The following PCLAF variants were observed in gnomAD, a reference collection of about 807,000 sequenced individuals.
PCLAF encodes PCNA-associated factor.
PCLAF carries 12 observed loss-of-function variants against 15.1 expected under a neutral mutation model. The ratio of observed to expected loss-of-function variants is 0.79; its 90% CI spans 0.51 to 1.29. The LOEUF (loss-of-function observed/expected upper bound fraction) is 1.29, where lower values mean the gene tolerates loss of function less well. PCLAF is among the 50% of genes most tolerant of loss of function. The pLI is 0.00. For synonymous variants in PCLAF, 33 were observed against 47.1 expected, an observed-to-expected ratio of 0.70 and a Z score of 1.22; for missense variants, 116 against 130.9, an observed-to-expected ratio of 0.89 and a Z score of 0.56.
At position 64,365,977 on chromosome 15, in the gene PCLAF, C is replaced by G. The variant is rs1555406836; in HGVS notation, c.*53G>C. 1 of 1,393,702 alleles carries G rather than the reference C, an allele frequency of 7.2e-7. No homozygotes were observed. Among genetic ancestry groups the G allele is most frequent in the South Asian group, 1.2e-5 (1 of 83,764 alleles). 86.3% of individuals were successfully genotyped at this position (1,393,702 alleles called of 1,614,324 possible). ...AAACACATTTATGTAAATTTACATT[C>G]TAGAATACCAGGGTAAACAAGGAGA... On this transcript the variant is annotated 3_prime_UTR_variant, in exon 4 of 4. Transcript: ENST00000300035.
intron 3 of PCLAF, among the ~76,000 whole-genome samples, chr15:64,376,051 C>T (rs899641060): frequency 6.6e-6 from 1 of 152,086 alleles, no homozygotes; most frequent in African/African-American, 2.4e-5. Context: ...AAGGCAAAAC[C>T]CTGTCTCTAC....
Position 64,364,722 on chromosome 15 carries a change from T to C in PCLAF, c.*1308A>G, listed in dbSNP as rs1898963243. 6.6e-6 allele frequency: 1 copy of C among 150,950 alleles called. No homozygotes were observed. Among genetic ancestry groups the C allele is most frequent in the Non-Finnish European group, 1.5e-5 (1 of 67,818 alleles). 9.4% of individuals were successfully genotyped at this position (150,950 alleles called of 1,614,324 possible). A position where few individuals can be genotyped will look rare whatever the true frequency, so the allele number is the denominator to read the frequency against. On this transcript the variant is annotated 3_prime_UTR_variant, in exon 4 of 4. Transcript: ENST00000300035. ...TTTTTTTTAAGACATTGTCTCACTC[T>C]GTTGTTCAGGCTGGAGTGCAGTGGC...
intron 2 of PCLAF, among the ~76,000 whole-genome samples, chr15:64,380,071 A>C (rs1379639004): frequency 1.3e-5 from 2 of 152,200 alleles, no homozygotes; most frequent in Non-Finnish European, 2.9e-5. Context: ...CAATATTTAA[A>C]TAGCCTCTGT....
rs1366973027 is a variant in PCLAF at position 64,376,840 on chromosome 15, T to C, written c.193A>G (p.Ile65Val). The change falls in exon 3 of 4, where the codon ATT (isoleucine) becomes GTT (valine). Residue 65 changes from isoleucine (I) to valine (V), a missense_variant. Transcript: ENST00000300035. ...VRPTPKWQKG[I>V]GEFFRLSPKD... ...GGGGACAACCTAAAGAATTCTCCAATTCCTTTTTGCCACTTGGGAGTTGGG... is the reference window on the plus strand; with the variant it reads ...GGGGACAACCTAAAGAATTCTCCAACTCCTTTTTGCCACTTGGGAGTTGGG... 6.2e-7 allele frequency: 1 copy of C among 1,613,980 alleles called. No homozygotes were observed. Among genetic ancestry groups the C allele is most frequent in the Non-Finnish European group, 8.5e-7 (1 of 1,179,866 alleles).
intron 3 of PCLAF, 59 bp downstream of exon 3, chr15:64,376,684 G>A (rs926206176): frequency 1.1e-5 from 16 of 1,422,318 alleles, no homozygotes; most frequent in East Asian, 2.4e-5. Flanking sequence ...CTCCCAAAGT[G>A]CTGGGATTAC....
At chr15:64,384,254 C>T (rs935439701), upstream of PCLAF, among the ~76,000 whole-genome samples, 7 of 152,208 alleles carry the variant, frequency 4.6e-5, no homozygotes, top group South Asian at 2.1e-4. Flanking sequence ...ATGCCTCAGC[C>T]GCCCATGTAG....
At chr15:64,386,943 C>A (rs777087090) in intron 1 of PCLAF, among the ~76,000 whole-genome samples, 1 of 151,792 alleles carries the variant, frequency 6.6e-6, no homozygotes, top group South Asian at 2.1e-4. Flanking sequence ...TTTTCCCCAG[C>A]CCATTGTCTT....
At chr15:64,384,377 G>A (rs1209042594), upstream of PCLAF, among the ~76,000 whole-genome samples, 5 of 151,822 alleles carry the variant, frequency 3.3e-5, no homozygotes, top group African/African-American at 7.3e-5. Context: ...CAGGTGATCT[G>A]CCTGCCTCGG....
chr15:64,372,709 C>G (rs764173813), intron 3 of PCLAF, among the ~76,000 whole-genome samples: 1 of 151,780 alleles, frequency 6.6e-6, no homozygotes. Flanking sequence ...CGCAGTGGCT[C>G]ATGCCTGTAA....
At chr15:64,381,858 C>G (rs1424488355), upstream of PCLAF, among the ~76,000 whole-genome samples, 2 of 152,166 alleles carry the variant, frequency 1.3e-5, no homozygotes, top group Non-Finnish European at 2.9e-5. Flanking sequence ...ATTAAAAGAA[C>G]TTGAGAACTT....
chr15:64,383,868 T>G (rs970196810), upstream of PCLAF, among the ~76,000 whole-genome samples: 5 of 152,120 alleles, frequency 3.3e-5, no homozygotes, highest in Admixed American at 3.3e-4. Flanking sequence ...CATATTACTA[T>G]AGTTGTGTGT....
chr15:64,385,188 C>A (rs1899910089), upstream of PCLAF, among the ~76,000 whole-genome samples: 1 of 152,088 alleles, frequency 6.6e-6, no homozygotes, highest in Admixed American at 6.6e-5. Context: ...CGGTACCCAG[C>A]CACCTATGTT....
chr15:64,380,307 C>G (rs148960134), intron 2 of PCLAF, among the ~76,000 whole-genome samples: 1 of 151,876 alleles, frequency 6.6e-6, no homozygotes, highest in African/African-American at 2.4e-5. Context: ...CGTGTGAACC[C>G]GAGAGGCGGA....
exon 1 of PCLAF, chr15:64,387,676 G>C: frequency 7.1e-7 from 1 of 1,410,774 alleles, no homozygotes; most frequent in South Asian, 1.5e-5. Context: ...AGGGCACAAG[G>C]AAGTAGACAA....
chr15:64,387,338 T>G (rs375411257), intron 1 of PCLAF: 2 of 538,878 alleles, frequency 3.7e-6, no homozygotes. Context: ...GCCGAGATCA[T>G]GCCACTGCAC....
intron 3 of PCLAF, among the ~76,000 whole-genome samples, chr15:64,371,453 A>T (rs901654417): frequency 6.6e-6 from 1 of 152,014 alleles, no homozygotes; most frequent in Admixed American, 6.6e-5. Flanking sequence ...TTTAGTACAG[A>T]TGGGGTTTCA....
chr15:64,366,405 T>G (rs1046320970), intron 3 of PCLAF, among the ~76,000 whole-genome samples: 1 of 152,218 alleles, frequency 6.6e-6, no homozygotes, highest in Non-Finnish European at 1.5e-5. Context: ...ATAAACAATA[T>G]AATCCTTCAG....
intron 3 of PCLAF, among the ~76,000 whole-genome samples, chr15:64,374,752 G>A (rs1899529787): frequency 6.6e-6 from 1 of 151,424 alleles, no homozygotes; most frequent in Non-Finnish European, 1.5e-5. Context: ...AGGCTGAGGT[G>A]GGAGAATCAA....
intron 3 of PCLAF, among the ~76,000 whole-genome samples, chr15:64,374,004 A>G (rs1214028758): frequency 3.3e-5 from 5 of 152,050 alleles, no homozygotes; most frequent in Non-Finnish European, 7.3e-5. Context: ...TATGACCTTC[A>G]GAAATTTTTC....
Sources: allele counts gnomAD v4.1 joint callset (sites outside exome capture counted in the v4.1 genomes callset), GRCh38; gene constraint gnomAD v4.1.1; transcripts MANE v1.5; gene names NCBI Gene and HGNC (gene_info 2026-07-23, HGNC 2026-07-21).